EIF4ENIF1: variants seen among roughly 807,000 people sequenced by gnomAD.
The protein encoded by EIF4ENIF1 is eukaryotic translation initiation factor 4E transporter.
A neutral mutation model predicts 110.5 loss-of-function variants in EIF4ENIF1; 23 were observed. That is an observed-to-expected ratio of 0.21 (90% confidence interval 0.15 to 0.29). The LOEUF (loss-of-function observed/expected upper bound fraction) is 0.29. Among genes scored for constraint, EIF4ENIF1 ranks in the 10% least tolerant of loss-of-function variants. The pLI, the probability that EIF4ENIF1 is intolerant of heterozygous loss-of-function variation, is 1.00. For missense variants in EIF4ENIF1, 1,031 were observed against 1,221.1 expected (o/e 0.84, Z 2.32); for synonymous variants, 440 against 437.0 (o/e 1.01, Z -0.09).
chr22:31,437,853 A>G (rs1431744539), downstream of EIF4ENIF1: 1 of 152,232 alleles, frequency 6.6e-6, no homozygotes. Context: ...CAAAAATTCT[A>G]AACAGAGGGT....
intron 14 of EIF4ENIF1, among the ~76,000 whole-genome samples, chr22:31,445,344 C>T (rs1470823098): frequency 6.6e-6 from 1 of 152,150 alleles, no homozygotes; most frequent in South Asian, 2.1e-4. Flanking sequence ...TTGGTCTACA[C>T]AAGATTGACC....
In EIF4ENIF1 at chr22:31,441,947, G is replaced by A. The variant is rs766577446; in HGVS notation, c.2378C>T (p.Pro793Leu). ...TGTAGGAACTGGGGATGCCAAGGTG[G>A]GTGTTTTTCTCCCAGTTGCTTTAGG... Reference protein sequence around the residue: ...YRPKATGRKTPTLASPVPTTP... With the variant: ...YRPKATGRKTLTLASPVPTTP... The change falls in exon 17 of 19, where the codon CCC becomes CTC. Residue 793 changes from proline (P) to leucine (L), a missense_variant. Around this residue, in one of 3 missense-constraint regions of EIF4ENIF1, gnomAD observed 309 missense variants for 299.1 expected, o/e 1.03. Coordinates refer to ENST00000330125, the MANE Select transcript of EIF4ENIF1 (RefSeq NM_019843.4). The A allele has an allele frequency of 1.2e-6, 2 of 1,614,112 alleles. No homozygotes were observed. The highest frequency in any genetic ancestry group is 4.5e-5 in the East Asian group (2 of 44,882).
chr22:31,447,650 A>G (rs1464347322), intron 13 of EIF4ENIF1, 85 bp from the exon 14 acceptor site: 1 of 1,454,252 alleles, frequency 6.9e-7, no homozygotes, highest in East Asian at 2.4e-5. Context: ...TTAGAAAGGT[A>G]TGTTAAGCAG....
intron 2 of EIF4ENIF1, among the ~76,000 whole-genome samples, chr22:31,475,981 C>T (rs1173528129): frequency 1.3e-5 from 2 of 151,828 alleles, no homozygotes; most frequent in Non-Finnish European, 2.9e-5. Context: ...GAGGATGGAG[C>T]AATAGTAATT....
intron 13 of EIF4ENIF1, 95 bp from the exon 14 acceptor site, chr22:31,447,660 G>A: frequency 1.4e-6 from 2 of 1,399,646 alleles, no homozygotes; most frequent in African/African-American, 1.4e-5. Flanking sequence ...ATGTTAAGCA[G>A]AAGCTGAAAA....
intron 2 of EIF4ENIF1, among the ~76,000 whole-genome samples, chr22:31,486,205 G>C (rs980786036): frequency 1.3e-5 from 2 of 152,006 alleles, no homozygotes; most frequent in Non-Finnish European, 2.9e-5. Context: ...CGGAGGCGGA[G>C]ACTGCAGTGA....
At chr22:31,484,845 G>A (rs911308059) in intron 2 of EIF4ENIF1, among the ~76,000 whole-genome samples, 4 of 152,146 alleles carry the variant, frequency 2.6e-5, no homozygotes, top group African/African-American at 7.2e-5. Flanking sequence ...AATCACCAGT[G>A]AAAACAGTTT....
Position 31,440,137 on chromosome 22 carries a change from G to A in EIF4ENIF1, c.2717-16C>T. ...GGATGCAGAACTGTGGAGATAAGAA[G>A]GGTTATCATTCACAGCATGAGAAGG... On this transcript the variant is annotated splice_polypyrimidine_tract_variant and intron_variant, in intron 18 of 18. Transcript: ENST00000330125. 1.2e-6 allele frequency: 2 copies of A among 1,614,052 alleles called. No homozygotes were observed. Among genetic ancestry groups the A allele is most frequent in the Non-Finnish European group, 1.7e-6 (2 of 1,179,982 alleles).
intron 2 of EIF4ENIF1, among the ~76,000 whole-genome samples, chr22:31,486,218 C>A (rs563479592): frequency 6.6e-6 from 1 of 151,138 alleles, no homozygotes; most frequent in South Asian, 2.1e-4. Flanking sequence ...TGCAGTGAGC[C>A]GAGATAGCAT....
intron 2 of EIF4ENIF1, among the ~76,000 whole-genome samples, chr22:31,475,955 G>GGGGGAGGGGTTC (rs1304264333): frequency 6.6e-6 from 1 of 151,938 alleles, no homozygotes; most frequent in Non-Finnish European, 1.5e-5. Context: ...TTTGGGGCTG[G>GGGGGAGGGGTTC]GGGGAGGGGT....
intron 4 of EIF4ENIF1, among the ~76,000 whole-genome samples, chr22:31,465,855 ACAACGTGGATAAAT>A (rs1350712587): frequency 6.6e-6 from 1 of 152,262 alleles, no homozygotes; most frequent in African/African-American, 2.4e-5. Flanking sequence ...TAGACACTCA[ACAACGTGGATAAAT>A]CGTAACTATT....
chr22:31,487,793 C>G (rs1332291357), intron 2 of EIF4ENIF1, among the ~76,000 whole-genome samples: 1 of 69,012 alleles, frequency 1.4e-5, no homozygotes, highest in East Asian at 3.2e-4. Flanking sequence ...CTGTCGGGTG[C>G]AAAAAAAAAA....
chr22:31,474,599 G>C (rs2051506378), intron 2 of EIF4ENIF1, among the ~76,000 whole-genome samples: 1 of 151,598 alleles, frequency 6.6e-6, no homozygotes, highest in African/African-American at 2.4e-5. Flanking sequence ...CTTTAAGTGA[G>C]GAATTGCATA....
At chr22:31,490,475 A>G (rs1487519286), upstream of EIF4ENIF1, among the ~76,000 whole-genome samples, 1 of 152,208 alleles carries the variant, frequency 6.6e-6, no homozygotes, top group Non-Finnish European at 1.5e-5. Context: ...ATGCGCGAGT[A>G]CTGGTTGCTG....
intron 10 of EIF4ENIF1, among the ~76,000 whole-genome samples, chr22:31,453,036 G>GAA (rs35992559): frequency 6.6e-6 from 1 of 151,798 alleles, no homozygotes; most frequent in East Asian, 1.9e-4. Flanking sequence ...CAGGGAACAG[G>GAA]AAAAAAAGAG....
In EIF4ENIF1 at chr22:31,458,214, T is replaced by A. The variant is rs181317546; in HGVS notation, c.963+261A>T. On this transcript the variant is annotated intron_variant, in intron 7 of 18. Coordinates refer to ENST00000330125, the MANE Select transcript of EIF4ENIF1 (RefSeq NM_019843.4). The stretch of plus-strand genomic sequence containing the variant: ...CTGCACTTCAGCCTGGGTGACAGAG[T>A]AAGATTCCAACTCAAAAAAAAAAAA... Among the ~76,000 whole-genome samples, 64 of 140,968 alleles carry A rather than the reference T, an allele frequency of 4.5e-4. 1 individual carries two copies. Among genetic ancestry groups the A allele is most frequent in the African/African-American group, 1.3e-3 (49 of 38,728 alleles). The allele number at this position is 140,968 out of a possible 152,430, so 92.5% of individuals were successfully genotyped here.
At chr22:31,477,752 G>C (rs772335969) in intron 2 of EIF4ENIF1, among the ~76,000 whole-genome samples, 7 of 151,712 alleles carry the variant, frequency 4.6e-5, no homozygotes, top group Admixed American at 2.0e-4. Context: ...GTCCATAGAG[G>C]ATAAAGAGCC....
chr22:31,468,094 C>G, intron 4 of EIF4ENIF1, 81 bp downstream of exon 4: 1 of 1,544,280 alleles, frequency 6.5e-7, no homozygotes, highest in East Asian at 2.3e-5. Context: ...GCATAAAATT[C>G]TCAGAGCTAA....
At chr22:31,487,832 A>G (rs1404173717) in intron 2 of EIF4ENIF1, among the ~76,000 whole-genome samples, 2 of 151,254 alleles carry the variant, frequency 1.3e-5, no homozygotes, top group East Asian at 3.9e-4. Context: ...CATACTAAGG[A>G]AATATATGGA....
Sources: gnomAD v4.1 joint callset for allele counts (sites outside exome capture counted in the v4.1 genomes callset) on GRCh38, gnomAD v4.1.1 for gene constraint, gnomAD v4.1.1 regional missense constraint, MANE v1.5 for transcripts, NCBI Gene and HGNC (gene_info 2026-07-23, HGNC 2026-07-21) for gene names.